Variants in UVRAG observed in about 807,000 individuals in gnomAD.
UVRAG encodes UV radiation resistance associated.
UVRAG carries 19 observed loss-of-function variants against 78.0 expected under a neutral mutation model. That is an observed-to-expected ratio of 0.24 (90% confidence interval 0.17 to 0.36). The LOEUF (loss-of-function observed/expected upper bound fraction) is 0.36, where lower values mean the gene tolerates loss of function less well. Among genes scored for constraint, UVRAG ranks in the 10% least tolerant of loss-of-function variants. UVRAG has a pLI of 1.00. For missense variants in UVRAG, 740 were observed against 853.8 expected, an observed-to-expected ratio of 0.87 and a Z score of 1.66; for synonymous variants, 323 against 324.6, an observed-to-expected ratio of 1.00 and a Z score of 0.05.
At chr11:75,820,742 C>T (rs1216418418) in intron 1 of UVRAG, among the ~76,000 whole-genome samples, 1 of 152,028 alleles carries the variant, frequency 6.6e-6, no homozygotes, top group Non-Finnish European at 1.5e-5. Flanking sequence ...TAAAAAAGTC[C>T]ATAGTTCATT....
At chr11:76,024,413 G>C (rs1388897687) in intron 12 of UVRAG, among the ~76,000 whole-genome samples, 1 of 152,102 alleles carries the variant, frequency 6.6e-6, no homozygotes, top group Non-Finnish European at 1.5e-5. Flanking sequence ...GGAACCACAG[G>C]AATTGCATTT....
At chr11:75,914,019 CAG>C (rs1303052123) in intron 6 of UVRAG, among the ~76,000 whole-genome samples, 1 of 152,172 alleles carries the variant, frequency 6.6e-6, no homozygotes, top group East Asian at 1.9e-4. Flanking sequence ...GCTAATAACA[CAG>C]ATATACTTTT....
chr11:75,928,677 C>T (rs531102991), intron 6 of UVRAG, among the ~76,000 whole-genome samples: 81 of 152,010 alleles, frequency 5.3e-4, no homozygotes, highest in African/African-American at 1.7e-3. Flanking sequence ...CGGTGGCTCA[C>T]GCTTGTAATC....
intron 12 of UVRAG, among the ~76,000 whole-genome samples, chr11:76,064,032 C>T (rs537595284): frequency 6.6e-6 from 1 of 152,266 alleles, no homozygotes; most frequent in Admixed American, 6.5e-5. Flanking sequence ...CTTTGCATTG[C>T]CTTATCCGAA....
chr11:76,084,738 A>G (rs1169935568), intron 13 of UVRAG, among the ~76,000 whole-genome samples: 2 of 152,114 alleles, frequency 1.3e-5, no homozygotes, highest in Non-Finnish European at 2.9e-5. Flanking sequence ...AAGTTGCTTT[A>G]TGTGACAAAT....
chr11:75,988,364 CA>C (rs1191946189), intron 8 of UVRAG, among the ~76,000 whole-genome samples: 1 of 152,210 alleles, frequency 6.6e-6, no homozygotes, highest in Non-Finnish European at 1.5e-5. Flanking sequence ...TGGAATCATA[CA>C]ATATGCACTT....
chr11:76,051,966 C>T (rs553755707), intron 12 of UVRAG, among the ~76,000 whole-genome samples: 5 of 152,156 alleles, frequency 3.3e-5, no homozygotes, highest in East Asian at 1.9e-4. Flanking sequence ...ACTTCAAAGT[C>T]GTCCCTTGCC....
chr11:75,863,539 G>T (rs1295772729), intron 3 of UVRAG, among the ~76,000 whole-genome samples: 3 of 152,124 alleles, frequency 2.0e-5, no homozygotes, highest in Non-Finnish European at 4.4e-5. Context: ...GTATTGTTCT[G>T]CATTATTAGT....
intron 6 of UVRAG, among the ~76,000 whole-genome samples, chr11:75,935,569 G>A (rs1948354620): frequency 6.6e-6 from 1 of 152,142 alleles, no homozygotes; most frequent in East Asian, 1.9e-4. Flanking sequence ...AAGGGAATAT[G>A]CTTCCTTGTG....
rs574597470 is a variant in UVRAG, at chr11:76,003,914, T to G, written c.827-91T>G. The G allele has an allele frequency of 8.4e-6, 10 of 1,186,212 alleles. No individual in the cohort carries two copies. In the East Asian group the frequency reaches 2.1e-4, roughly 25 times the overall value. 73.5% of individuals were successfully genotyped at this position (1,186,212 alleles called of 1,614,324 possible). ...CTTTCCCTAACTCTTTTTATTTCCC[T>G]CTCACAGTCAGGGATTTGGCTTGGC... On this transcript the variant is annotated intron_variant, in intron 8 of 14. Transcript: ENST00000356136.
chr11:75,920,468 T>A (rs887109741), intron 6 of UVRAG, among the ~76,000 whole-genome samples: 3 of 151,832 alleles, frequency 2.0e-5, no homozygotes, highest in African/African-American at 7.3e-5. Flanking sequence ...GACACACATA[T>A]ACACACACAC....
intron 6 of UVRAG, among the ~76,000 whole-genome samples, chr11:75,912,875 A>T (rs1461018303): frequency 6.6e-6 from 1 of 152,238 alleles, no homozygotes; most frequent in Non-Finnish European, 1.5e-5. Context: ...CTTATTACAC[A>T]TGATATAGAG....
At chr11:76,065,932 TG>T (rs904209277) in intron 13 of UVRAG, 144 bp downstream of exon 13, 1 of 628,794 alleles carries the variant, frequency 1.6e-6, no homozygotes, top group African/African-American at 1.8e-5. Context: ...TTCTTTTTTT[TG>T]ATCACAGTCT....
chr11:75,996,842 T>G (rs1232383500), intron 8 of UVRAG, among the ~76,000 whole-genome samples: 1 of 152,174 alleles, frequency 6.6e-6, no homozygotes, highest in South Asian at 2.1e-4. Context: ...GTTCACTGCC[T>G]TCCATAGAAT....
intron 8 of UVRAG, among the ~76,000 whole-genome samples, chr11:75,985,368 G>C (rs1949479526): frequency 6.6e-6 from 1 of 151,674 alleles, no homozygotes; most frequent in Non-Finnish European, 1.5e-5. Flanking sequence ...TGATATACCT[G>C]TTTGAATCTT....
chr11:76,138,217 G>A (rs548769378), intron 14 of UVRAG, among the ~76,000 whole-genome samples: 1 of 152,214 alleles, frequency 6.6e-6, no homozygotes. Flanking sequence ...TTTGAATGTC[G>A]TGTTCCCTTG....
intron 1 of UVRAG, among the ~76,000 whole-genome samples, chr11:75,817,984 T>C (rs1052484490): frequency 6.6e-6 from 1 of 151,390 alleles, no homozygotes; most frequent in East Asian, 1.9e-4. Context: ...TGCTTGAACC[T>C]GGGAGGCGCA....
At chr11:76,098,153 G>A (rs972432418) in intron 13 of UVRAG, among the ~76,000 whole-genome samples, 1 of 151,820 alleles carries the variant, frequency 6.6e-6, no homozygotes, top group African/African-American at 2.4e-5. Context: ...ACTGAAAGAA[G>A]TTAGAAAGAA....
intron 3 of UVRAG, among the ~76,000 whole-genome samples, chr11:75,871,018 T>C (rs1017452937): frequency 6.6e-6 from 1 of 151,710 alleles, no homozygotes; most frequent in African/African-American, 2.4e-5. Flanking sequence ...TACAGGCATG[T>C]GCCACCATGC....
Sources: allele counts gnomAD v4.1 joint callset (sites outside exome capture counted in the v4.1 genomes callset), GRCh38; gene constraint gnomAD v4.1.1; transcripts MANE v1.5; gene names NCBI Gene and HGNC (gene_info 2026-07-23, HGNC 2026-07-21).